The following GOLIM4 variants were observed in gnomAD, a reference collection of about 807,000 sequenced individuals.
The protein encoded by GOLIM4 is golgi integral membrane protein 4.
In GOLIM4, 71 loss-of-function variants were observed where a neutral mutation model predicts 107.4. That is an observed-to-expected ratio of 0.66 (90% confidence interval 0.55 to 0.81). GOLIM4 has a LOEUF of 0.81. GOLIM4 is among the 30% of genes least tolerant of loss of function. GOLIM4 has a pLI of 0.00. For missense variants in GOLIM4, 830 were observed against 826.1 expected, an observed-to-expected ratio of 1.00 and a Z score of -0.06; for synonymous variants, 327 against 294.8, an observed-to-expected ratio of 1.11 and a Z score of -1.12.
rs187276813 is a variant in GOLIM4, at chr3:168,088,933, C to G, written c.187+6166G>C. Among the ~76,000 whole-genome samples the G allele has an allele frequency of 5.3e-5, 8 of 152,296 alleles. No individual in the cohort carries two copies. In the East Asian group the frequency reaches 1.5e-3, roughly 29 times the overall value. On this transcript the variant is annotated intron_variant, in intron 1 of 15. Coordinates refer to ENST00000470487, the MANE Select transcript of GOLIM4 (RefSeq NM_014498.5). ...ACTTAAACTAAAGGCTCCCAGATAACAAGTAATTCTCTTACACAGCAACCA... is the reference window on the plus strand; with the variant it reads ...ACTTAAACTAAAGGCTCCCAGATAAGAAGTAATTCTCTTACACAGCAACCA...
In GOLIM4 at chr3:168,032,631, T is replaced by A. The variant is rs1402846348; in HGVS notation, c.1065A>T (p.Glu355Asp). The change falls in exon 9 of 16, where the codon GAA becomes GAT. Residue 355 changes from glutamate (E) to aspartate (D), a missense_variant. Physicochemically the swap from Glu to Asp is conservative, Grantham distance 45 (BLOSUM62 2). Transcript: ENST00000470487. Reference sequence around the variant, plus strand: ...ATGGATCGTGTTCCTCCTCAAGATGTTCTGCTTGCCCGACCTGCTCCATTT... The same window carrying A: ...ATGGATCGTGTTCCTCCTCAAGATGATCTGCTTGCCCGACCTGCTCCATTT... ...EEEMEQVGQA[E>D]HLEEEHDPSP... 1 of 1,613,946 alleles carries A rather than the reference T, an allele frequency of 6.2e-7. No homozygotes were observed. The highest frequency in any genetic ancestry group is 1.3e-5 in the African/African-American group (1 of 74,882).
chr3:168,024,936 G>A lies in GOLIM4; in HGVS notation c.1783C>T (p.His595Tyr). 2 of 1,613,586 alleles carry A rather than the reference G, an allele frequency of 1.2e-6. No homozygotes were observed. Among genetic ancestry groups the A allele is most frequent in the Non-Finnish European group, 1.7e-6 (2 of 1,179,678 alleles). ...QKQENTEVEE[H>Y]LVMAGNPDQQ... ...TCGTGGCATCTGCTTACCACCAAAT[G>A]TTCCTCCACTTCTGTATTCTCTTGC... Residue 595 changes from histidine to tyrosine, a missense_variant, in exon 13 of 16, where the codon CAT (histidine) becomes TAT (tyrosine). Transcript: ENST00000470487.
chr3:168,016,933 C>T (rs1195253254), intron 14 of GOLIM4, among the ~76,000 whole-genome samples: 3 of 143,448 alleles, frequency 2.1e-5, no homozygotes, highest in Non-Finnish European at 4.4e-5. Context: ...GGGAAATATA[C>T]CTAATGCTAG....
chr3:168,038,849 C>A (rs2108240278), intron 7 of GOLIM4, among the ~76,000 whole-genome samples: 1 of 152,242 alleles, frequency 6.6e-6, no homozygotes, highest in South Asian at 2.1e-4. Flanking sequence ...GGAGGCAGGG[C>A]CTTTGGGAGG....
intron 1 of GOLIM4, among the ~76,000 whole-genome samples, chr3:168,093,085 A>AC (rs1327832176): frequency 2.0e-5 from 3 of 152,132 alleles, no homozygotes; most frequent in Non-Finnish European, 4.4e-5. Flanking sequence ...CACTACCACC[A>AC]CCACCACTAA....
At chr3:168,078,298 G>GT (rs1721170074) in intron 1 of GOLIM4, among the ~76,000 whole-genome samples, 1 of 151,710 alleles carries the variant, frequency 6.6e-6, no homozygotes, top group Non-Finnish European at 1.5e-5. Context: ...AATTTGTATG[G>GT]TAGCAAACTT....
At chr3:168,043,683 G>A (rs1719150087) in intron 4 of GOLIM4, among the ~76,000 whole-genome samples, 154 bp from the exon 5 acceptor site, 2 of 152,312 alleles carry the variant, frequency 1.3e-5, no homozygotes, top group South Asian at 4.1e-4. Flanking sequence ...TTTAATTTGT[G>A]CAGCTTCCCT....
rs894654139 is a variant in GOLIM4 at position 168,009,161 on chromosome 3, T to G, written c.*1108A>C. On this transcript the variant is annotated 3_prime_UTR_variant, in exon 16 of 16. Transcript: ENST00000470487. Reference sequence around the variant, plus strand: ...TTTTTAATTTTCTTATTTTAAGGAATCTATTATATTCACAATGATTAAAAT... The same window carrying G: ...TTTTTAATTTTCTTATTTTAAGGAAGCTATTATATTCACAATGATTAAAAT... 2.0e-5 allele frequency: 3 copies of G among 151,954 alleles called. No individual in the cohort carries two copies. Among genetic ancestry groups the G allele is most frequent in the African/African-American group, 7.2e-5 (3 of 41,402 alleles). The allele number at this position is 151,954 out of a possible 1,614,324, so 9.4% of individuals were successfully genotyped here.
At chr3:168,011,935 A>T (rs1253932548) in intron 14 of GOLIM4, among the ~76,000 whole-genome samples, 1 of 147,780 alleles carries the variant, frequency 6.8e-6, no homozygotes, top group Non-Finnish European at 1.5e-5. Flanking sequence ...AAAACCACAA[A>T]GATGGGGAAA....
chr3:168,055,801 C>CAAAAA (rs35124035), intron 1 of GOLIM4, among the ~76,000 whole-genome samples: 1 of 104,066 alleles, frequency 9.6e-6, no homozygotes, highest in Non-Finnish European at 1.9e-5. Flanking sequence ...GACTCTGTCT[C>CAAAAA]AAAAAAAAAA....
chr3:168,024,712 G>A, intron 13 of GOLIM4, 118 bp from the exon 14 acceptor site: 1 of 912,156 alleles, frequency 1.1e-6, no homozygotes, highest in Non-Finnish European at 1.8e-6. Context: ...AAGCGTCTGT[G>A]GCCAGGAAAT....
At chr3:168,077,332 G>A (rs1452905610) in intron 1 of GOLIM4, among the ~76,000 whole-genome samples, 3 of 152,184 alleles carry the variant, frequency 2.0e-5, no homozygotes, top group Non-Finnish European at 4.4e-5. Flanking sequence ...ATAATGGTGT[G>A]CCTGTTCCCA....
chr3:168,046,416 G>C (rs917054840), intron 3 of GOLIM4, among the ~76,000 whole-genome samples: 5 of 152,122 alleles, frequency 3.3e-5, no homozygotes, highest in Non-Finnish European at 5.9e-5. Flanking sequence ...GTGAACAAAG[G>C]TCTCTGGTTT....
Position 168,013,747 on chromosome 3 carries a change from G to T in GOLIM4, c.1861-2924C>A, listed in dbSNP as rs542754911. The stretch of plus-strand genomic sequence containing the variant: ...AGGATTAAGAATCTCACTCAAAACC[G>T]CTCAACTACATGGAAACTGAACAAC... On this transcript the variant is annotated intron_variant, in intron 14 of 15. Coordinates refer to ENST00000470487, the MANE Select transcript of GOLIM4 (RefSeq NM_014498.5). Among the ~76,000 whole-genome samples, 302 of 150,880 alleles carry T rather than the reference G, an allele frequency of 2.0e-3. 2 individuals are homozygous for T. The highest frequency in any genetic ancestry group is 7.0e-3 in the African/African-American group (283 of 40,588).
chr3:168,058,614 C>G (rs971019696), intron 1 of GOLIM4, among the ~76,000 whole-genome samples: 1 of 152,140 alleles, frequency 6.6e-6, no homozygotes, highest in Non-Finnish European at 1.5e-5. Flanking sequence ...GAGGCTAAGA[C>G]AGGTAAAACA....
At chr3:168,075,782 G>C (rs1349718743) in intron 1 of GOLIM4, among the ~76,000 whole-genome samples, 2 of 152,246 alleles carry the variant, frequency 1.3e-5, no homozygotes, top group African/African-American at 4.8e-5. Context: ...GACAAATCAA[G>C]TCTATGTTTG....
chr3:168,062,391 T>C (rs370706797), intron 1 of GOLIM4, among the ~76,000 whole-genome samples: 1 of 148,782 alleles, frequency 6.7e-6, no homozygotes, highest in East Asian at 1.9e-4. Context: ...CTAATTTGAA[T>C]GTATTGGGGC....
chr3:168,030,800 G>A (rs1049200827), intron 9 of GOLIM4, among the ~76,000 whole-genome samples: 2 of 152,122 alleles, frequency 1.3e-5, no homozygotes, highest in African/African-American at 4.8e-5. Flanking sequence ...AAAACAGTAT[G>A]GAGGTTCCTC....
chr3:168,027,718 G>C lies in GOLIM4; in HGVS notation c.1623+10C>G, dbSNP rs1244254234. 6.6e-7 allele frequency: 1 copy of C among 1,515,194 alleles called. No homozygotes were observed. Among genetic ancestry groups the C allele is most frequent in the Non-Finnish European group, 9.2e-7 (1 of 1,089,992 alleles). 93.9% of individuals were successfully genotyped at this position (1,515,194 alleles called of 1,614,324 possible). ...TTACATGTGTCAGGGGCAGAAGAGAGGATACTTACATCTGCCTCAGATTCT... is the reference window on the plus strand; with the variant it reads ...TTACATGTGTCAGGGGCAGAAGAGACGATACTTACATCTGCCTCAGATTCT... On this transcript the variant is annotated intron_variant, in intron 12 of 15. Coordinates refer to ENST00000470487, the MANE Select transcript of GOLIM4 (RefSeq NM_014498.5).
Sources: gnomAD v4.1 joint callset for allele counts (sites outside exome capture counted in the v4.1 genomes callset) on GRCh38, gnomAD v4.1.1 for gene constraint, MANE v1.5 for transcripts, NCBI Gene and HGNC (gene_info 2026-07-23, HGNC 2026-07-21) for gene names.